CMTM5: variants seen among roughly 807,000 people sequenced by gnomAD.
The protein encoded by CMTM5 is CKLF-like MARVEL transmembrane domain-containing protein 5.
In CMTM5, 25 loss-of-function variants were observed where a neutral mutation model predicts 26.9. The observed-to-expected ratio is 0.93, with a 90% confidence interval of 0.68 to 1.30. The LOEUF (loss-of-function observed/expected upper bound fraction) is 1.30. Ranked by LOEUF, CMTM5 falls within the 50% of genes most tolerant of loss-of-function variation. CMTM5 has a pLI of 0.00. For missense variants in CMTM5, 292 were observed against 289.6 expected (o/e 1.01, Z -0.06); for synonymous variants, 98 against 115.5 (o/e 0.85, Z 0.97).
chr14:23,379,594 G>A lies in CMTM5; in HGVS notation c.*107G>A. ...CCCCAGCCCGCCAAACCCCACCCCA[G>A]CCCTACACAGCAGTCTGGCCTGAGA... is the stretch of plus-strand genomic sequence containing the variant. On this transcript the variant is annotated 3_prime_UTR_variant, in exon 6 of 6. Transcript: ENST00000339180. 6.5e-7 allele frequency: 1 copy of A among 1,545,398 alleles called. No homozygotes were observed. Among genetic ancestry groups the A allele is most frequent in the Non-Finnish European group, 8.7e-7 (1 of 1,150,946 alleles).
chr14:23,379,663 G>C lies in CMTM5; in HGVS notation c.*176G>C. On this transcript the variant is annotated 3_prime_UTR_variant, in exon 6 of 6. Coordinates refer to ENST00000339180, the MANE Select transcript of CMTM5 (RefSeq NM_001288746.2). ...TGTGGAGCCTGGTGCTCCAGGATGTGGCTTCTCATGAAGCTCTGGCCAGAG... is the reference window on the plus strand; with the variant it reads ...TGTGGAGCCTGGTGCTCCAGGATGTCGCTTCTCATGAAGCTCTGGCCAGAG... 6.9e-7 allele frequency: 1 copy of C among 1,457,652 alleles called. No homozygotes were observed. The highest frequency in any genetic ancestry group is 1.4e-5 in the South Asian group (1 of 72,546). 90.3% of individuals were successfully genotyped at this position (1,457,652 alleles called of 1,614,324 possible). A position where few individuals can be genotyped will look rare whatever the true frequency, so the allele number is the denominator to read the frequency against.
rs200320289 is a variant in CMTM5, at chr14:23,377,274, G to C, written c.23G>C (p.Arg8Pro). 1.9e-6 allele frequency: 3 copies of C among 1,612,170 alleles called. No individual in the cohort carries two copies. Among genetic ancestry groups the C allele is most frequent in the Non-Finnish European group, 2.5e-6 (3 of 1,179,288 alleles). The change falls in exon 1 of 6, where the codon CGG (arginine) becomes CCG (proline). Residue 8 changes from arginine (R) to proline (P), a missense_variant. Physicochemically the swap from Arg to Pro is moderately radical, Grantham distance 103. Coordinates refer to ENST00000339180, the MANE Select transcript of CMTM5 (RefSeq NM_001288746.2). This position sits in a 1 kb window ranked among gnomAD's most constrained non-coding sequence, Gnocchi z 4.6. ...AAGATGCTCAGTGCTCGAGATCGCCGGGACCGGCACCCTGAGGAGGGGGTA... is the reference window on the plus strand; with the variant it reads ...AAGATGCTCAGTGCTCGAGATCGCCCGGACCGGCACCCTGAGGAGGGGGTA... MLSARDR[R>P]DRHPEEGVVA...
Position 23,379,040 on chromosome 14 carries a change from C to A in CMTM5, c.490C>A (p.Arg164Ser). Reference sequence around the variant, plus strand: ...CACCCCTGGCCCCCAGGACTTCCTGCGCTGTGTCAGTGCCATCATCATCTT... The same window carrying A: ...CACCCCTGGCCCCCAGGACTTCCTGAGCTGTGTCAGTGCCATCATCATCTT... Reference protein sequence around the residue: ...FHSLGSSDFLRCVSAIIIFLV... With the variant: ...FHSLGSSDFLSCVSAIIIFLV... The change falls in exon 4 of 6, where the codon CGC becomes AGC. Residue 164 changes from arginine (R) to serine (S), a missense_variant. Transcript: ENST00000339180. 1 of 1,614,090 alleles carries A rather than the reference C, an allele frequency of 6.2e-7. No homozygotes were observed.
At position 23,378,211 on chromosome 14, in the gene CMTM5, G is replaced by A; in HGVS notation, c.127-138G>A. 2 of 883,582 alleles carry A rather than the reference G, an allele frequency of 2.3e-6. No individual in the cohort carries two copies. Among genetic ancestry groups the A allele is most frequent in the Non-Finnish European group, 3.4e-6 (2 of 586,026 alleles). The allele number at this position is 883,582 out of a possible 1,614,324, so 54.7% of individuals were successfully genotyped here. ...GGCTCCTGACACCAGGGGATAGGGA[G>A]ATGTGCCAGAGTCCTTCCTCCCCTC... On this transcript the variant is annotated intron_variant, in intron 1 of 5. Transcript: ENST00000339180. This position sits in a 1 kb window ranked among gnomAD's most constrained non-coding sequence, Gnocchi z 4.2.
At position 23,378,865 on chromosome 14, in the gene CMTM5, G is replaced by T. The variant is rs779286344; in HGVS notation, c.476G>T (p.Ser159Ile). Reference sequence around the variant, plus strand: ...TTCATCTGCTTCCACTCCCTGGGTAGCAGTGTGAGCGCTCTGTCTCTTGAA... The same window carrying T: ...TTCATCTGCTTCCACTCCCTGGGTATCAGTGTGAGCGCTCTGTCTCTTGAA... ...LWFICFHSLG[S>I]SDFLRCVSAI... is the part of the protein sequence containing the mutation. The change falls in exon 3 of 6, where the codon AGC becomes ATC. Residue 159 changes from serine (S) to isoleucine (I), a missense_variant. Transcript: ENST00000339180. The surrounding 1 kb of genome is among the most constrained non-coding windows in gnomAD (Gnocchi z 4.2). 6.2e-7 allele frequency: 1 copy of T among 1,613,130 alleles called. No homozygotes were observed. Among genetic ancestry groups the T allele is most frequent in the African/African-American group, 1.3e-5 (1 of 74,892 alleles).
In CMTM5 at chr14:23,377,949, G is replaced by A. The variant is rs1434709946; in HGVS notation, c.127-400G>A. 4.6e-6 allele frequency: 1 copy of A among 216,818 alleles called. No homozygotes were observed. The highest frequency in any genetic ancestry group is 5.3e-5 in the Admixed American group (1 of 18,952). The allele number at this position is 216,818 out of a possible 1,614,324, so 13.4% of individuals were successfully genotyped here. A position where few individuals can be genotyped will look rare whatever the true frequency, so the allele number is the denominator to read the frequency against. ...TCAAAGGCTCTGGTCCTTGTCAGGG[G>A]GCTTTCAGGCATCTGGGGGTGGGGA... On this transcript the variant is annotated intron_variant, in intron 1 of 5. Coordinates refer to ENST00000339180, the MANE Select transcript of CMTM5 (RefSeq NM_001288746.2). The surrounding 1 kb of genome is among the most constrained non-coding windows in gnomAD (Gnocchi z 4.6).
rs1890680909 is a variant in CMTM5, at chr14:23,378,419, A to G, written c.197A>G (p.Glu66Gly). The G allele has an allele frequency of 6.2e-7, 1 of 1,613,936 alleles. No individual in the cohort carries two copies. The highest frequency in any genetic ancestry group is 1.7e-5 in the Admixed American group (1 of 60,002). Residue 66 changes from glutamate to glycine, a missense_variant, in exon 2 of 6, where the codon GAG becomes GGG. By Grantham distance (98) the Glu-to-Gly change is moderately conservative. Transcript: ENST00000339180. The surrounding 1 kb of genome is among the most constrained non-coding windows in gnomAD (Gnocchi z 4.2). ...GCCTACATGGCCGCGGCGCTACTGGAGTTCTTCATCACACTTGCCTTCCTC... is the reference window on the plus strand; with the variant it reads ...GCCTACATGGCCGCGGCGCTACTGGGGTTCTTCATCACACTTGCCTTCCTC... ...ISAYMAAALLEFFITLAFLFL... is the reference protein window; with the variant it reads ...ISAYMAAALLGFFITLAFLFL...
rs1028639077 is a variant in CMTM5 at position 23,378,342 on chromosome 14, C to T, written c.127-7C>T. On this transcript the variant is annotated splice_region_variant and splice_polypyrimidine_tract_variant and intron_variant, in intron 1 of 5. Coordinates refer to ENST00000339180, the MANE Select transcript of CMTM5 (RefSeq NM_001288746.2). The surrounding 1 kb of genome is among the most constrained non-coding windows in gnomAD (Gnocchi z 4.2). Reference sequence around the variant, plus strand: ...TCTTGGCATGTTCCACATGCTCGGTCCTGCAGGCCCTGACCCTCATCATCT... The same window carrying T: ...TCTTGGCATGTTCCACATGCTCGGTTCTGCAGGCCCTGACCCTCATCATCT... 3.7e-6 allele frequency: 6 copies of T among 1,613,904 alleles called. No homozygotes were observed. The highest frequency in any genetic ancestry group is 5.1e-6 in the Non-Finnish European group (6 of 1,179,912).
chr14:23,379,592 C>G lies in CMTM5; in HGVS notation c.*105C>G. ...GCCCCCAGCCCGCCAAACCCCACCCCAGCCCTACACAGCAGTCTGGCCTGA... is the reference window on the plus strand; with the variant it reads ...GCCCCCAGCCCGCCAAACCCCACCCGAGCCCTACACAGCAGTCTGGCCTGA... On this transcript the variant is annotated 3_prime_UTR_variant, in exon 6 of 6. Coordinates refer to ENST00000339180, the MANE Select transcript of CMTM5 (RefSeq NM_001288746.2). The G allele has an allele frequency of 6.4e-7, 1 of 1,555,066 alleles. No individual in the cohort carries two copies. The highest frequency in any genetic ancestry group is 8.6e-7 in the Non-Finnish European group (1 of 1,156,900).
chr14:23,376,943 C>T (rs1052886713), upstream of CMTM5: 5 of 367,630 alleles, frequency 1.4e-5, no homozygotes, highest in Non-Finnish European at 2.0e-5. Context: ...CTTCTCTATT[C>T]CAGGCTGGGT....
rs1890586553 is a variant in CMTM5, at chr14:23,377,053, G to A, written c.-199G>A. 1.6e-6 allele frequency: 1 copy of A among 644,174 alleles called. No individual in the cohort carries two copies. The highest frequency in any genetic ancestry group is 2.0e-5 in the South Asian group (1 of 50,170). The allele number at this position is 644,174 out of a possible 1,614,324, so 39.9% of individuals were successfully genotyped here. Reference sequence around the variant, plus strand: ...GCAGGCAGCAGCAGAGGCACTCTGGGCAGCTGGGTGAGGGCCCATCTGGGC... The same window carrying A: ...GCAGGCAGCAGCAGAGGCACTCTGGACAGCTGGGTGAGGGCCCATCTGGGC... On this transcript the variant is annotated 5_prime_UTR_variant, in exon 1 of 6. Transcript: ENST00000339180. The surrounding 1 kb of genome is among the most constrained non-coding windows in gnomAD (Gnocchi z 4.6).
rs555341937 is a variant in CMTM5, at chr14:23,378,929, T to C, written c.480+60T>C. ...GTGTGAGGGGTATCCTATGGAGGGG[T>C]TCAGAATCCCTCAGGGTCGGGCTGC... On this transcript the variant is annotated intron_variant, in intron 3 of 5. Transcript: ENST00000339180. The surrounding 1 kb of genome is among the most constrained non-coding windows in gnomAD (Gnocchi z 4.2). 6.8e-5 allele frequency: 109 copies of C among 1,606,396 alleles called. 2 individuals carry two copies. In the South Asian group the frequency reaches 1.2e-3, roughly 17 times the overall value.
chr14:23,379,316 G>T lies in CMTM5; in HGVS notation c.591G>T (p.Leu197=), dbSNP rs780058006. The change falls in exon 5 of 6, where the codon CTG becomes CTT. Residue 197 remains leucine, a synonymous_variant. Transcript: ENST00000339180. ...AIAAFVFGII[L]VSIFAYDAFK... is the part of the protein sequence containing the mutation. ...TCCCACAGGTTTTTGGCATCATCCTGGTTTCCATCTTTGCCTATGATGCCT... is the reference window on the plus strand; with the variant it reads ...TCCCACAGGTTTTTGGCATCATCCTTGTTTCCATCTTTGCCTATGATGCCT... 2 of 1,614,078 alleles carry T rather than the reference G, an allele frequency of 1.2e-6. No individual in the cohort carries two copies. The highest frequency in any genetic ancestry group is 1.7e-6 in the Non-Finnish European group (2 of 1,180,006).
In CMTM5 at chr14:23,378,924, A is replaced by G. The variant is rs114207107; in HGVS notation, c.480+55A>G. ...ATATTGTGTGAGGGGTATCCTATGGAGGGGTTCAGAATCCCTCAGGGTCGG... is the reference window on the plus strand; with the variant it reads ...ATATTGTGTGAGGGGTATCCTATGGGGGGGTTCAGAATCCCTCAGGGTCGG... On this transcript the variant is annotated intron_variant, in intron 3 of 5. Transcript: ENST00000339180. This position sits in a 1 kb window ranked among gnomAD's most constrained non-coding sequence, Gnocchi z 4.2. The G allele has an allele frequency of 1.5e-3, 2,344 of 1,606,500 alleles. 36 individuals are homozygous for G. The African/African-American group carries it at 0.026, about 18-fold the overall frequency.
chr14:23,377,160 C>G lies in CMTM5; in HGVS notation c.-92C>G. The G allele has an allele frequency of 2.6e-6, 4 of 1,540,246 alleles. No homozygotes were observed. Among genetic ancestry groups the G allele is most frequent in the Non-Finnish European group, 2.6e-6 (3 of 1,138,194 alleles). ...ACTTTCAGGTTTCTCGAAGTGCCTT[C>G]TTGCTCCTGTCTGTTTCCCCATCCT... On this transcript the variant is annotated 5_prime_UTR_variant, in exon 1 of 6. Coordinates refer to ENST00000339180, the MANE Select transcript of CMTM5 (RefSeq NM_001288746.2). This position sits in a 1 kb window ranked among gnomAD's most constrained non-coding sequence, Gnocchi z 4.6.
Position 23,378,297 on chromosome 14 carries a change from G to T in CMTM5, c.127-52G>T. On this transcript the variant is annotated intron_variant, in intron 1 of 5. Coordinates refer to ENST00000339180, the MANE Select transcript of CMTM5 (RefSeq NM_001288746.2). This position sits in a 1 kb window ranked among gnomAD's most constrained non-coding sequence, Gnocchi z 4.2. ...TCCAAGGAGGGGAAGGCAAAGCCCT[G>T]GCCCCTGCCTGTGTCCCCTTCTTGG... is the stretch of plus-strand genomic sequence containing the variant. 6.2e-7 allele frequency: 1 copy of T among 1,602,548 alleles called. No individual in the cohort carries two copies. Among genetic ancestry groups the T allele is most frequent in the Non-Finnish European group, 8.5e-7 (1 of 1,173,588 alleles).
At chr14:23,379,230 C>T in intron 4 of CMTM5, 69 bp from the exon 5 acceptor site, 1 of 1,604,046 alleles carries the variant, frequency 6.2e-7, no homozygotes, top group Non-Finnish European at 8.5e-7. Context: ...CTGGCTTGCA[C>T]CTCACCCTAT....
chr14:23,377,373 A>G lies in CMTM5; in HGVS notation c.122A>G (p.Glu41Gly). The change falls in exon 1 of 6, where the codon GAG becomes GGG. Residue 41 changes from glutamate (E) to glycine (G), a missense_variant. Physicochemically the swap from Glu to Gly is moderately conservative, Grantham distance 98. Transcript: ENST00000339180. This position sits in a 1 kb window ranked among gnomAD's most constrained non-coding sequence, Gnocchi z 4.6. ...TSHKGILLETELALTLIIFIC... is the reference protein window; with the variant it reads ...TSHKGILLETGLALTLIIFIC... ...CACAAGGGCATCCTGCTGGAAACCGAGCTGGTAACAGCTGCCTCCCAACCT... is the reference window on the plus strand; with the variant it reads ...CACAAGGGCATCCTGCTGGAAACCGGGCTGGTAACAGCTGCCTCCCAACCT... The G allele has an allele frequency of 1.3e-6, 2 of 1,576,280 alleles. No individual in the cohort carries two copies. The highest frequency in any genetic ancestry group is 2.3e-5 in the East Asian group (1 of 43,758).
Position 23,378,602 on chromosome 14 carries a change from AGCTGG to A in CMTM5, c.280-63_280-59del, listed in dbSNP as rs1359893164. Reference sequence around the variant, plus strand: ...GAGCTTCTTTCCATTTCCACACCACAGCTGGGCTTTGTCCCATGCTATGCCCTGCA... The same window carrying A: ...GAGCTTCTTTCCATTTCCACACCACAGCTTTGTCCCATGCTATGCCCTGCA... On this transcript the variant is annotated intron_variant, in intron 2 of 5. Coordinates refer to ENST00000339180, the MANE Select transcript of CMTM5 (RefSeq NM_001288746.2). This position sits in a 1 kb window ranked among gnomAD's most constrained non-coding sequence, Gnocchi z 4.2. The A allele has an allele frequency of 1.9e-6, 3 of 1,607,514 alleles. No homozygotes were observed. The highest frequency in any genetic ancestry group is 2.7e-5 in the African/African-American group (2 of 74,726).
Sources: gnomAD v4.1 joint callset for allele counts on GRCh38, gnomAD v4.1.1 for gene constraint, Gnocchi (gnomAD v3.1) non-coding constraint, MANE v1.5 for transcripts, NCBI Gene and HGNC (gene_info 2026-07-23, HGNC 2026-07-21) for gene names.